The following TAF1 variants were observed in gnomAD, a reference collection of about 807,000 sequenced individuals.
TAF1 encodes the protein transcription initiation factor TFIID subunit 1.
A neutral mutation model predicts 138.5 loss-of-function variants in TAF1; 2 were observed. The ratio of observed to expected loss-of-function variants is 0.01; its 90% CI spans 0.01 to 0.05. TAF1 has a LOEUF of 0.05. Among genes scored for constraint, TAF1 ranks in the 10% least tolerant of loss-of-function variants. The pLI, the probability that TAF1 is intolerant of heterozygous loss-of-function variation, is 1.00. For synonymous variants in TAF1, 437 were observed against 503.2 expected, an observed-to-expected ratio of 0.87 and a Z score of 1.76; for missense variants, 709 against 1,478.0, an observed-to-expected ratio of 0.48 and a Z score of 8.53.
chrX:71,475,311 C>T (rs958787960), intron 13 of TAF1, among the ~76,000 whole-genome samples: 25 of 111,565 alleles, frequency 2.2e-4, no homozygotes, highest in Non-Finnish European at 3.2e-4. Context: ...AGGCGTCAGG[C>T]GCAGTGGCTC....
rs139204047 is a variant in TAF1, at chrX:71,401,569, T to G, written c.3828T>G (p.Thr1276=). 4.5e-5 allele frequency: 55 copies of G among 1,210,445 alleles called. No homozygotes were observed. The African/African-American group carries it at 8.9e-4, about 20-fold the overall frequency. ...GTGGTGCCATTGGACACATGAGGAC[T>G]AACAAATTCTGCCCCCTCTATTATC... ...GACGAIGHMR[T]NKFCPLYYQT... is the part of the protein sequence containing the mutation. Residue 1276 remains threonine (T), a synonymous_variant, in exon 25 of 38, where the codon ACT becomes ACG. Coordinates refer to ENST00000423759, the MANE Select transcript of TAF1 (RefSeq NM_004606.5).
At chrX:71,439,952 C>T (rs2037329038) in intron 32 of TAF1, among the ~76,000 whole-genome samples, 1 of 111,315 alleles carries the variant, frequency 9.0e-6, no homozygotes, top group African/African-American at 3.3e-5. Flanking sequence ...TAGTTTTCAC[C>T]ATTTTAAAAA....
chrX:71,463,857 G>A lies in TAF1; in HGVS notation c.5433G>A (p.Ser1811=). Residue 1811 remains serine, a synonymous_variant, in exon 38 of 38, where the codon TCG becomes TCA. Coordinates refer to ENST00000423759, the MANE Select transcript of TAF1 (RefSeq NM_004606.5). ...YGSYEEPDPK[S]NTQDTSFSSI... ...GCTATGAGGAGCCTGATCCCAAGTC[G>A]AACACCCAAGACACAAGCTTCAGCA... The A allele has an allele frequency of 1.7e-6, 2 of 1,210,639 alleles. No individual in the cohort carries two copies. Among genetic ancestry groups the A allele is most frequent in the Non-Finnish European group, 2.2e-6 (2 of 895,285 alleles).
rs940922896 is a variant in TAF1, at chrX:71,455,826, G to T, written c.4938+969G>T. Among the ~76,000 whole-genome samples, 9 of 111,797 alleles carry T rather than the reference G, an allele frequency of 8.1e-5. 1 individual carries two copies. The highest frequency in any genetic ancestry group is 2.9e-4 in the African/African-American group (9 of 30,719). On this transcript the variant is annotated intron_variant, in intron 34 of 37. Coordinates refer to ENST00000423759, the MANE Select transcript of TAF1 (RefSeq NM_004606.5). ...GAAAATTTTTTTTCATTCTATCCAG[G>T]TTTCCCTCTGAACTGATAATGCAAC...
At chrX:71,442,027 A>G (rs1257175987) in intron 32 of TAF1, among the ~76,000 whole-genome samples, 1 of 111,201 alleles carries the variant, frequency 9.0e-6, no homozygotes, top group Non-Finnish European at 1.9e-5. Flanking sequence ...ATAGTATTCC[A>G]TGGTGTATAT....
At chrX:71,512,451 C>T (rs978997214) in intron 13 of TAF1, among the ~76,000 whole-genome samples, 1 of 111,926 alleles carries the variant, frequency 8.9e-6, no homozygotes, top group African/African-American at 3.2e-5. Context: ...CACTGGGGGA[C>T]ATTAACATCT....
chrX:71,527,938 T>C (rs2040028340), intron 13 of TAF1: 1 of 138,103 alleles, frequency 7.2e-6, no homozygotes, highest in African/African-American at 3.2e-5. Flanking sequence ...CAAAACTGTA[T>C]GAATTGTAGT....
chrX:71,456,624 A>G (rs988376073), intron 34 of TAF1, among the ~76,000 whole-genome samples: 4 of 95,835 alleles, frequency 4.2e-5, no homozygotes, highest in African/African-American at 1.6e-4. Flanking sequence ...CAACTTCTAA[A>G]TGGTGGTGGT....
chrX:71,487,611 C>T (rs2039197895), intron 13 of TAF1, among the ~76,000 whole-genome samples: 1 of 111,830 alleles, frequency 8.9e-6, no homozygotes, highest in African/African-American at 3.2e-5. Context: ...GCGTGAGCCA[C>T]CGCACCTGGC....
chrX:71,516,735 C>T (rs1390092005), intron 13 of TAF1, among the ~76,000 whole-genome samples: 1 of 107,934 alleles, frequency 9.3e-6, no homozygotes, highest in Non-Finnish European at 1.9e-5. Context: ...GATGCAGTCT[C>T]TCTCTGTCGC....
chrX:71,427,287 A>G (rs766082265), intron 32 of TAF1, among the ~76,000 whole-genome samples: 19 of 112,338 alleles, frequency 1.7e-4, no homozygotes, highest in Admixed American at 4.7e-4. Context: ...TGTGCTTATT[A>G]CACATTGGAA....
chrX:71,419,361 A>G (rs1245962131), intron 28 of TAF1, among the ~76,000 whole-genome samples: 1 of 110,225 alleles, frequency 9.1e-6, no homozygotes, highest in Non-Finnish European at 1.9e-5. Flanking sequence ...CCCACCAAAT[A>G]AAAGGGAAAA....
chrX:71,526,719 C>T (rs1406165699), intron 13 of TAF1, among the ~76,000 whole-genome samples: 1 of 110,862 alleles, frequency 9.0e-6, no homozygotes, highest in African/African-American at 3.3e-5. Context: ...TTATCACATA[C>T]GTATGTCTCT....
chrX:71,447,731 T>TC (rs1451393286), intron 32 of TAF1, among the ~76,000 whole-genome samples: 1 of 109,581 alleles, frequency 9.1e-6, no homozygotes, highest in African/African-American at 3.3e-5. Flanking sequence ...ATGCTTGCTT[T>TC]CCCCCCTTAC....
exon 15 of TAF1, chrX:71,530,184 A>T (rs1297830339): frequency 7.8e-6 from 1 of 128,998 alleles, no homozygotes; most frequent in Middle Eastern, 7.5e-4. Context: ...CTTTACTTTT[A>T]TTCAGGTTAC....
intron 22 of TAF1, among the ~76,000 whole-genome samples, chrX:71,394,612 A>G (rs1464875191): frequency 8.9e-6 from 1 of 112,775 alleles, no homozygotes; most frequent in Admixed American, 9.4e-5. Context: ...ATTACATGTA[A>G]AATATGTAAA....
chrX:71,524,809 C>T (rs1451105036), intron 13 of TAF1, among the ~76,000 whole-genome samples: 6 of 107,987 alleles, frequency 5.6e-5, no homozygotes, highest in African/African-American at 1.3e-4. Context: ...GGTGCAGTGG[C>T]GGTTGCCTGT....
chrX:71,519,939 G>C (rs975900922), intron 13 of TAF1, among the ~76,000 whole-genome samples: 3 of 108,885 alleles, frequency 2.8e-5, no homozygotes, highest in African/African-American at 1.0e-4. Flanking sequence ...CAGAGTAGCT[G>C]GGATTACAGG....
intron 32 of TAF1, among the ~76,000 whole-genome samples, chrX:71,428,499 C>T (rs1397444749): frequency 8.9e-6 from 1 of 111,815 alleles, no homozygotes; most frequent in Non-Finnish European, 1.9e-5. Context: ...TCTGCTTCTC[C>T]TATCTGTAAA....
Sources: allele counts gnomAD v4.1 joint callset (sites outside exome capture counted in the v4.1 genomes callset), GRCh38; gene constraint gnomAD v4.1.1; transcripts MANE v1.5; gene names NCBI Gene and HGNC (gene_info 2026-07-23, HGNC 2026-07-21).